MTMR9: variants seen among roughly 807,000 people sequenced by gnomAD.
The protein encoded by MTMR9 is myotubularin related protein 9.
Under a neutral mutation model 69.5 loss-of-function variants are expected in MTMR9, and 39 were observed. The observed-to-expected ratio is 0.56, with a 90% CI of 0.43 to 0.73. The LOEUF (loss-of-function observed/expected upper bound fraction) is 0.73. Ranked by LOEUF, MTMR9 falls within the 30% of genes least tolerant of loss-of-function variation. The pLI, the probability that MTMR9 is intolerant of heterozygous loss-of-function variation, is 0.00. For synonymous variants in MTMR9, 354 were observed against 240.8 expected, an observed-to-expected ratio of 1.47 and a Z score of -4.35; for missense variants, 900 against 671.2, an observed-to-expected ratio of 1.34 and a Z score of -3.77.
At chr8:11,304,154 C>T (rs915083155) in intron 3 of MTMR9, among the ~76,000 whole-genome samples, 4 of 151,964 alleles carry the variant, frequency 2.6e-5, no homozygotes, top group African/African-American at 9.7e-5. Context: ...TTGTATACTT[C>T]TAGTCCTTAC....
Position 11,304,974 on chromosome 8 carries a change from G to T in MTMR9, c.551G>T (p.Arg184Leu), listed in dbSNP as rs764306900. The change falls in exon 4 of 10, where the codon CGC becomes CTC. Residue 184 changes from arginine (R) to leucine (L), a missense_variant. Coordinates refer to ENST00000221086, the MANE Select transcript of MTMR9 (RefSeq NM_015458.4). ...GTAGCTACATTTCGACATGGAGGGCGCTTCCCAGTACTAAGCTATTACCAC... is the reference window on the plus strand; with the variant it reads ...GTAGCTACATTTCGACATGGAGGGCTCTTCCCAGTACTAAGCTATTACCAC... ...RKVATFRHGG[R>L]FPVLSYYHKK... 6.2e-7 allele frequency: 1 copy of T among 1,614,054 alleles called. No individual in the cohort carries two copies. Among genetic ancestry groups the T allele is most frequent in the East Asian group, 2.2e-5 (1 of 44,878 alleles).
chr8:11,302,253 C>CAAAA (rs34305448), intron 3 of MTMR9, among the ~76,000 whole-genome samples: 14 of 58,966 alleles, frequency 2.4e-4, no homozygotes, highest in African/African-American at 5.4e-4. Flanking sequence ...ACCCTGTCTC[C>CAAAA]AAAAAAAAAA....
intron 4 of MTMR9, 124 bp downstream of exon 4, chr8:11,305,138 G>T: frequency 1.1e-6 from 1 of 901,768 alleles, no homozygotes; most frequent in Non-Finnish European, 1.7e-6. Flanking sequence ...CACCACAAGG[G>T]CTTCCTTCAT....
At position 11,304,957 on chromosome 8, in the gene MTMR9, A is replaced by G; in HGVS notation, c.534A>G (p.Thr178=). The G allele has an allele frequency of 1.2e-6, 2 of 1,614,100 alleles. No individual in the cohort carries two copies. The highest frequency in any genetic ancestry group is 1.7e-6 in the Non-Finnish European group (2 of 1,179,974). Residue 178 remains threonine (T), a synonymous_variant, in exon 4 of 10, where the codon ACA becomes ACG. Transcript: ENST00000221086. ...ATGAAGCTCTTCGGAAGGTAGCTAC[A>G]TTTCGACATGGAGGGCGCTTCCCAG... ...IDDEALRKVA[T]FRHGGRFPVL...
intron 1 of MTMR9, among the ~76,000 whole-genome samples, chr8:11,288,232 TATAATA>T (rs200224201): frequency 6.6e-5 from 9 of 137,306 alleles, no homozygotes; most frequent in African/African-American, 2.2e-4. Flanking sequence ...AATTATAATA[TATAATA>T]ATAATAATTA....
At chr8:11,310,060 T>G (rs1800134970) in intron 6 of MTMR9, among the ~76,000 whole-genome samples, 1 of 152,184 alleles carries the variant, frequency 6.6e-6, no homozygotes, top group East Asian at 1.9e-4. Context: ...ACCTCCTTAC[T>G]TTTGAAATAT....
At chr8:11,287,890 T>C (rs1322407568) in intron 1 of MTMR9, among the ~76,000 whole-genome samples, 1 of 128,596 alleles carries the variant, frequency 7.8e-6, no homozygotes, top group African/African-American at 3.0e-5. Flanking sequence ...ACATATATAA[T>C]ACGTATTATA....
intron 3 of MTMR9, chr8:11,300,761 A>T (rs991505079): frequency 6.6e-6 from 1 of 152,334 alleles, no homozygotes; most frequent in Non-Finnish European, 1.5e-5. Flanking sequence ...GAATAAATTT[A>T]ACAAAAGAAA....
At chr8:11,319,532 A>AG in intron 8 of MTMR9, 155 bp from the exon 9 acceptor site, 1 of 733,084 alleles carries the variant, frequency 1.4e-6, no homozygotes, top group Non-Finnish European at 2.2e-6. Flanking sequence ...GAGCTTTTTG[A>AG]CAAATCTATT....
intron 9 of MTMR9, chr8:11,321,705 A>C (rs1287622252): frequency 6.5e-6 from 2 of 308,176 alleles, no homozygotes; most frequent in African/African-American, 4.3e-5. Flanking sequence ...GTTTACATTT[A>C]CATCACAGCT....
chr8:11,290,161 A>C (rs1799330345), intron 1 of MTMR9, among the ~76,000 whole-genome samples: 1 of 152,206 alleles, frequency 6.6e-6, no homozygotes, highest in African/African-American at 2.4e-5. Flanking sequence ...AAGATTGTGA[A>C]ATAGTTATTG....
chr8:11,306,891 C>T (rs1267886454), intron 5 of MTMR9, among the ~76,000 whole-genome samples: 1 of 152,164 alleles, frequency 6.6e-6, no homozygotes, highest in Non-Finnish European at 1.5e-5. Flanking sequence ...ACTTTCTCTT[C>T]CTCTGGCAAC....
In MTMR9 at chr8:11,304,967, G is replaced by A. The variant is rs1360727132; in HGVS notation, c.544G>A (p.Gly182Arg). The change falls in exon 4 of 10, where the codon GGA (glycine) becomes AGA (arginine). Residue 182 changes from glycine to arginine, a missense_variant. Coordinates refer to ENST00000221086, the MANE Select transcript of MTMR9 (RefSeq NM_015458.4). Reference protein sequence around the residue: ...ALRKVATFRHGGRFPVLSYYH... With the variant: ...ALRKVATFRHRGRFPVLSYYH... ...TCGGAAGGTAGCTACATTTCGACAT[G>A]GAGGGCGCTTCCCAGTACTAAGCTA... is the stretch of plus-strand genomic sequence containing the variant. 1.2e-6 allele frequency: 2 copies of A among 1,614,084 alleles called. No homozygotes were observed. Among genetic ancestry groups the A allele is most frequent in the South Asian group, 1.1e-5 (1 of 91,092 alleles).
chr8:11,295,673 A>G (rs1799529670), intron 2 of MTMR9, among the ~76,000 whole-genome samples: 1 of 152,208 alleles, frequency 6.6e-6, no homozygotes, highest in Non-Finnish European at 1.5e-5. Flanking sequence ...TTCTTGGGAG[A>G]AATTTTAAAG....
chr8:11,333,593 G>C, the MTMR9 span, among the ~76,000 whole-genome samples: 1 of 152,224 alleles, frequency 6.6e-6, no homozygotes, highest in African/African-American at 2.4e-5. Flanking sequence ...ATAAATTCTA[G>C]GGCAAATATA....
chr8:11,319,963 G>A, intron 9 of MTMR9, 125 bp downstream of exon 9: 2 of 843,002 alleles, frequency 2.4e-6, no homozygotes, highest in Non-Finnish European at 3.5e-6. Context: ...TGTGTGAATT[G>A]TCATTCTCAG....
At chr8:11,319,141 T>C (rs758946386) in intron 8 of MTMR9, 1 of 151,206 alleles carries the variant, frequency 6.6e-6, no homozygotes, top group Admixed American at 6.6e-5. Context: ...TATCAAACAA[T>C]GTAAATAATG....
chr8:11,302,601 A>G (rs894166454), intron 3 of MTMR9, among the ~76,000 whole-genome samples: 2 of 152,196 alleles, frequency 1.3e-5, no homozygotes, highest in Admixed American at 6.5e-5. Context: ...CTGATAAAGG[A>G]TGGGTACCAA....
chr8:11,297,186 G>C (rs1799591264), intron 2 of MTMR9, among the ~76,000 whole-genome samples: 1 of 152,150 alleles, frequency 6.6e-6, no homozygotes, highest in African/African-American at 2.4e-5. Flanking sequence ...AAAATGGGTA[G>C]AAAGTCTTAA....
Sources: gnomAD v4.1 joint callset for allele counts (sites outside exome capture counted in the v4.1 genomes callset) on GRCh38, gnomAD v4.1.1 for gene constraint, MANE v1.5 for transcripts, NCBI Gene and HGNC (gene_info 2026-07-23, HGNC 2026-07-21) for gene names.